Variants in NAALADL2 observed in about 807,000 individuals in gnomAD.
NAALADL2 encodes the protein N-acetylated alpha-linked acidic dipeptidase like 2, also known as inactive N-acetylated-alpha-linked acidic dipeptidase-like protein 2.
A neutral mutation model predicts 87.2 loss-of-function variants in NAALADL2; 76 were observed. The observed-to-expected ratio is 0.87, with a 90% CI of 0.72 to 1.05. NAALADL2 has a LOEUF of 1.05. Ranked by LOEUF, NAALADL2 falls within the 50% of genes least tolerant of loss-of-function variation. The pLI is 0.00. For synonymous variants in NAALADL2, 354 were observed against 331.0 expected (o/e 1.07, Z -0.75); for missense variants, 1,089 against 945.8 (o/e 1.15, Z -1.99).
intron 5 of NAALADL2, among the ~76,000 whole-genome samples, chr3:175,385,899 A>G (rs1768322497): frequency 6.6e-6 from 1 of 152,082 alleles, no homozygotes; most frequent in South Asian, 2.1e-4. Flanking sequence ...AGAAGCTTCT[A>G]TATGCCCAAG....
intron 1 of NAALADL2, among the ~76,000 whole-genome samples, chr3:174,891,281 C>G (rs1730841856): frequency 6.6e-6 from 1 of 152,058 alleles, no homozygotes; most frequent in South Asian, 2.1e-4. Flanking sequence ...CAATCATCAT[C>G]CCTTACCCAC....
chr3:175,504,013 G>A (rs995007083), intron 9 of NAALADL2, among the ~76,000 whole-genome samples: 5 of 152,144 alleles, frequency 3.3e-5, no homozygotes, highest in African/African-American at 1.2e-4. Context: ...CAGGTCCTAT[G>A]TTCAGAATGA....
In NAALADL2 at chr3:175,027,637, T is replaced by G. The variant is rs752270003; in HGVS notation, c.44-69153T>G. ...CTTTTATTTCACAATTTTCTCTGTC[T>G]CATCAATAGAAGATATATGCTCTTT... On this transcript the variant is annotated intron_variant, in intron 1 of 13. Coordinates refer to ENST00000454872, the MANE Select transcript of NAALADL2 (RefSeq NM_207015.3). Among the ~76,000 whole-genome samples the G allele has an allele frequency of 2.4e-4, 36 of 152,124 alleles. 1 individual carries two copies. Among genetic ancestry groups the G allele is most frequent in the Admixed American group, 1.5e-3 (23 of 15,244 alleles).
At chr3:175,802,943 A>C in intron 13 of NAALADL2, 62 bp from the exon 14 acceptor site, 7 of 1,056,602 alleles carry the variant, frequency 6.6e-6, no homozygotes, top group Non-Finnish European at 9.9e-6. Flanking sequence ...TATTCATTCC[A>C]ACGTTTGATA....
At chr3:175,748,912 C>A (rs1029536241) in intron 12 of NAALADL2, among the ~76,000 whole-genome samples, 1 of 151,484 alleles carries the variant, frequency 6.6e-6, no homozygotes, top group Non-Finnish European at 1.5e-5. Context: ...CAAGATGAAC[C>A]TGGACAAAAG....
intron 10 of NAALADL2, among the ~76,000 whole-genome samples, chr3:175,578,448 A>G (rs778143721): frequency 2.6e-5 from 4 of 152,044 alleles, no homozygotes; most frequent in Non-Finnish European, 5.9e-5. Flanking sequence ...AACAACAACA[A>G]CAAAAGAAGC....
At chr3:175,567,340 C>G (rs991516032) in intron 9 of NAALADL2, among the ~76,000 whole-genome samples, 1 of 151,332 alleles carries the variant, frequency 6.6e-6, no homozygotes, top group Non-Finnish European at 1.5e-5. Context: ...CAGCTAGAAG[C>G]TGGAGTAAAA....
Position 175,121,537 on chromosome 3 carries a change from A to G in NAALADL2, c.545+24246A>G, listed in dbSNP as rs138437546. The stretch of plus-strand genomic sequence containing the variant: ...CCTGAGGGTAAGAGAGCTGAGGAAC[A>G]CCCCCTTTTATGAAGCTAACTGGAA... On this transcript the variant is annotated intron_variant, in intron 2 of 13. Coordinates refer to ENST00000454872, the MANE Select transcript of NAALADL2 (RefSeq NM_207015.3). Among the ~76,000 whole-genome samples, 164 of 151,784 alleles carry G rather than the reference A, an allele frequency of 1.1e-3. 1 individual carries two copies. Among genetic ancestry groups the G allele is most frequent in the Admixed American group, 3.3e-3 (50 of 15,210 alleles).
At chr3:174,657,408 T>C (rs1459939782) in intron 2 of NAALADL2, among the ~76,000 whole-genome samples, 2 of 152,004 alleles carry the variant, frequency 1.3e-5, no homozygotes, top group East Asian at 3.9e-4. Context: ...CCACCTGACT[T>C]GGCCTTCCCA....
intron 2 of NAALADL2, among the ~76,000 whole-genome samples, chr3:175,195,243 T>G (rs1738800617): frequency 6.6e-6 from 1 of 151,974 alleles, no homozygotes; most frequent in East Asian, 1.9e-4. Flanking sequence ...TGCCAGGTAT[T>G]GCTCGGAGTG....
At chr3:175,415,682 C>T (rs370336477) in intron 5 of NAALADL2, among the ~76,000 whole-genome samples, 110 of 152,004 alleles carry the variant, frequency 7.2e-4, no homozygotes, top group African/African-American at 2.5e-3. Flanking sequence ...GAGAAAATCT[C>T]AACACTGTTA....
chr3:175,200,372 T>A lies in NAALADL2; in HGVS notation c.546-33559T>A, dbSNP rs945455700. ...AACTAATTTCTCTCTCTCTCTTTTT[T>A]TCTTTAAGCAATCCTGTTATTTTTT... On this transcript the variant is annotated intron_variant, in intron 2 of 13. Transcript: ENST00000454872. Among the ~76,000 whole-genome samples the A allele has an allele frequency of 3.3e-5, 5 of 152,278 alleles. No homozygotes were observed. In the East Asian group the frequency reaches 9.7e-4, roughly 29 times the overall value.
intron 1 of NAALADL2, among the ~76,000 whole-genome samples, chr3:175,078,481 T>G (rs571544825): frequency 6.6e-6 from 1 of 152,328 alleles, no homozygotes; most frequent in Non-Finnish European, 1.5e-5. Context: ...TGATGGTTTT[T>G]AATTTATTCA....
chr3:175,114,174 G>A (rs1041246850), intron 2 of NAALADL2, among the ~76,000 whole-genome samples: 2 of 151,578 alleles, frequency 1.3e-5, no homozygotes, highest in Admixed American at 6.6e-5. Flanking sequence ...CCACCATAGA[G>A]GAAGCTGACA....
At chr3:175,161,303 A>G (rs1733168978) in intron 2 of NAALADL2, among the ~76,000 whole-genome samples, 1 of 152,114 alleles carries the variant, frequency 6.6e-6, no homozygotes. Context: ...TCACAAAGTC[A>G]ATGTGAAGAC....
intron 11 of NAALADL2, among the ~76,000 whole-genome samples, chr3:175,698,979 A>G (rs1368681761): frequency 2.6e-5 from 4 of 152,028 alleles, no homozygotes; most frequent in Non-Finnish European, 5.9e-5. Context: ...CAAACTTTGA[A>G]TAGTTAGACT....
intron 11 of NAALADL2, among the ~76,000 whole-genome samples, chr3:175,703,344 T>G (rs558322588): frequency 3.9e-5 from 6 of 152,302 alleles, no homozygotes; most frequent in African/African-American, 1.4e-4. Flanking sequence ...GTGCTATAAG[T>G]CTGACAAATT....
chr3:175,707,164 C>G (rs1739835467), intron 11 of NAALADL2, among the ~76,000 whole-genome samples: 1 of 151,858 alleles, frequency 6.6e-6, no homozygotes, highest in African/African-American at 2.4e-5. Flanking sequence ...TGTTCTGGAC[C>G]AGGGCAAGAT....
At chr3:175,686,909 T>C (rs1736375180) in intron 11 of NAALADL2, among the ~76,000 whole-genome samples, 1 of 152,208 alleles carries the variant, frequency 6.6e-6, no homozygotes, top group Non-Finnish European at 1.5e-5. Flanking sequence ...TTATCTTCTA[T>C]GTTTTCTATA....
Sources: gnomAD v4.1 joint callset for allele counts (sites outside exome capture counted in the v4.1 genomes callset) on GRCh38, gnomAD v4.1.1 for gene constraint, MANE v1.5 for transcripts, NCBI Gene and HGNC (gene_info 2026-07-23, HGNC 2026-07-21) for gene names.